AHRR: variants seen among roughly 807,000 people sequenced by gnomAD.
AHRR encodes ahR repressor.
A neutral mutation model predicts 44.0 loss-of-function variants in AHRR; 28 were observed. The ratio of observed to expected loss-of-function variants is 0.64; its 90% CI spans 0.47 to 0.87. The LOEUF is 0.87. AHRR is among the 40% of genes least tolerant of loss of function. The probability of loss-of-function intolerance (pLI) is 0.00; values close to 1 mark genes in which losing one functional copy is unlikely to be tolerated. For missense variants in AHRR, 990 were observed against 953.9 expected (o/e 1.04, Z -0.50); for synonymous variants, 434 against 407.0 (o/e 1.07, Z -0.80).
At chr5:423,779 CGT>C in intron 6 of AHRR, 60 bp from the exon 7 acceptor site, 1 of 1,534,666 alleles carries the variant, frequency 6.5e-7, no homozygotes. Context: ...CGTGGTTGTG[CGT>C]GTGACACGTG....
chr5:336,773 C>A (rs145293061), intron 1 of AHRR, among the ~76,000 whole-genome samples: 2 of 152,114 alleles, frequency 1.3e-5, no homozygotes, highest in African/African-American at 4.8e-5. Flanking sequence ...ATGTATTCTT[C>A]GGAGTGTTAT....
rs1734077953 is a variant in AHRR, at chr5:383,916, T to G, written c.351+7200T>G. Among the ~76,000 whole-genome samples the G allele has an allele frequency of 6.6e-6, 1 of 152,218 alleles. No individual in the cohort carries two copies. The highest frequency in any genetic ancestry group is 2.1e-4 in the South Asian group (1 of 4,834). On this transcript the variant is annotated intron_variant, in intron 4 of 10. Coordinates refer to ENST00000684583, the MANE Select transcript of AHRR (RefSeq NM_001377236.1). This position sits in a 1 kb window ranked among gnomAD's most constrained non-coding sequence, Gnocchi z 4.0. ...CTTGGAATATCTTACTCCATCTTTT[T>G]ACTTTTAATCAATTTATGTCATTAT...
intron 7 of AHRR, chr5:427,494 C>A (rs74885420): frequency 1.0e-6 from 1 of 990,226 alleles, no homozygotes; most frequent in Non-Finnish European, 1.5e-6. Context: ...AGGCGCAGTT[C>A]GTGCCACCTG....
rs994430520 is a variant in AHRR, at chr5:387,207, C to G, written c.351+10491C>G. On this transcript the variant is annotated intron_variant, in intron 4 of 10. Transcript: ENST00000684583. This position sits in a 1 kb window ranked among gnomAD's most constrained non-coding sequence, Gnocchi z 5.1. ...GGATGAGCCAGGACACGTGTCAGTTCGTACACAGAAGCGGGGTCCTGTCTC... is the reference window on the plus strand; with the variant it reads ...GGATGAGCCAGGACACGTGTCAGTTGGTACACAGAAGCGGGGTCCTGTCTC... Among the ~76,000 whole-genome samples the G allele has an allele frequency of 1.3e-5, 2 of 152,236 alleles. No homozygotes were observed. Among genetic ancestry groups the G allele is most frequent in the African/African-American group, 4.8e-5 (2 of 41,458 alleles).
intron 4 of AHRR, among the ~76,000 whole-genome samples, chr5:392,447 G>A (rs1174905947): frequency 1.3e-4 from 19 of 150,772 alleles, no homozygotes; most frequent in African/African-American, 3.9e-4. Context: ...CGAGGCAGGC[G>A]CAGGGCGAGG....
intron 3 of AHRR, among the ~76,000 whole-genome samples, chr5:361,748 T>C (rs530193300): frequency 1.2e-3 from 177 of 152,342 alleles, no homozygotes; most frequent in Non-Finnish European, 2.2e-3. Flanking sequence ...CTGTTCACTG[T>C]TGTATTTTAG....
chr5:366,645 A>G (rs148481343), intron 3 of AHRR, among the ~76,000 whole-genome samples: 2 of 152,182 alleles, frequency 1.3e-5, no homozygotes, highest in Non-Finnish European at 2.9e-5. Context: ...ATATCTATTA[A>G]TTATGAAGCC....
At chr5:426,041 T>C (rs557188002) in intron 7 of AHRR, among the ~76,000 whole-genome samples, 87 of 152,352 alleles carry the variant, frequency 5.7e-4, no homozygotes, top group Non-Finnish European at 1.0e-3. Flanking sequence ...TTGGGAATAT[T>C]TATACTAAAA....
intron 4 of AHRR, among the ~76,000 whole-genome samples, chr5:380,682 G>A (rs1733943646): frequency 6.6e-6 from 1 of 152,156 alleles, no homozygotes; most frequent in African/African-American, 2.4e-5. Flanking sequence ...CTATGACCTT[G>A]CTAAACTCAT....
chr5:425,054 A>G (rs1445789821), intron 7 of AHRR, among the ~76,000 whole-genome samples: 2 of 152,114 alleles, frequency 1.3e-5, no homozygotes, highest in African/African-American at 4.8e-5. Context: ...AGCACCCCAC[A>G]AGGCCCTCTG....
At chr5:433,137 G>A (rs1489363990) in intron 10 of AHRR, among the ~76,000 whole-genome samples, 190 bp downstream of exon 10, 5 of 152,226 alleles carry the variant, frequency 3.3e-5, no homozygotes, top group Non-Finnish European at 4.4e-5. Flanking sequence ...TGGAAGTCAC[G>A]TGTGTCGCTG....
At chr5:392,764 G>A (rs1318706606) in intron 4 of AHRR, among the ~76,000 whole-genome samples, 3 of 152,104 alleles carry the variant, frequency 2.0e-5, no homozygotes, top group African/African-American at 2.4e-5. Context: ...ATTTCACGTC[G>A]ACTCTTCTTG....
At chr5:346,647 C>T (rs1276729195) in intron 2 of AHRR, among the ~76,000 whole-genome samples, 2 of 152,332 alleles carry the variant, frequency 1.3e-5, no homozygotes, top group East Asian at 1.9e-4. Context: ...TACGTGCACC[C>T]GGCTTCATCC....
chr5:434,298 G>A lies in AHRR; in HGVS notation c.1558G>A (p.Gly520Arg). 1 of 1,609,512 alleles carries A rather than the reference G, an allele frequency of 6.2e-7. No individual in the cohort carries two copies. Among genetic ancestry groups the A allele is most frequent in the Non-Finnish European group, 8.5e-7 (1 of 1,177,744 alleles). ...GCTGCAAGGTGTACCGATGCCTCCGGGGGACCTGTGTGGTCCGACGCTGCT... is the reference window on the plus strand; with the variant it reads ...GCTGCAAGGTGTACCGATGCCTCCGAGGGACCTGTGTGGTCCGACGCTGCT... ...MKLQGVPMPP[G>R]DLCGPTLLLD... is the part of the protein sequence containing the mutation. Residue 520 changes from glycine to arginine, a missense_variant, in exon 11 of 11, where the codon GGG (glycine) becomes AGG (arginine). Gly to Arg is a moderately radical substitution (Grantham distance 125, BLOSUM62 -2). Coordinates refer to ENST00000684583, the MANE Select transcript of AHRR (RefSeq NM_001377236.1).
chr5:419,761 G>A lies in AHRR; in HGVS notation c.442-2968G>A, dbSNP rs1007894289. 2.6e-5 allele frequency among the ~76,000 whole-genome samples: 4 copies of A among 152,112 alleles called. No individual in the cohort carries two copies. The highest frequency in any genetic ancestry group is 2.1e-4 in the South Asian group (1 of 4,814). ...TGTTTGTTGCCAACCCCTGTTTACC[G>A]GAAGTGTCCCCACACCATTTTCCAT... On this transcript the variant is annotated intron_variant, in intron 5 of 10. Coordinates refer to ENST00000684583, the MANE Select transcript of AHRR (RefSeq NM_001377236.1). This position sits in a 1 kb window ranked among gnomAD's most constrained non-coding sequence, Gnocchi z 4.4.
intron 2 of AHRR, among the ~76,000 whole-genome samples, chr5:350,405 G>T (rs546906901): frequency 6.6e-6 from 1 of 152,180 alleles, no homozygotes; most frequent in Non-Finnish European, 1.5e-5. Context: ...GCTGATGGGC[G>T]TTGATGAATC....
intron 3 of AHRR, among the ~76,000 whole-genome samples, chr5:355,168 G>T (rs1475055691): frequency 2.0e-5 from 3 of 152,200 alleles, no homozygotes; most frequent in Non-Finnish European, 4.4e-5. Context: ...CTGCTGGGTG[G>T]TGTTGGACTC....
In AHRR at chr5:378,502, C is replaced by G. The variant is rs181340042; in HGVS notation, c.351+1786C>G. 2.3e-3 allele frequency among the ~76,000 whole-genome samples: 352 copies of G among 152,316 alleles called. 2 individuals are homozygous for G. The highest frequency in any genetic ancestry group is 3.6e-3 in the Non-Finnish European group (243 of 68,040). On this transcript the variant is annotated intron_variant, in intron 4 of 10. Transcript: ENST00000684583. ...TGACCCCTGAGAGTGTAGTCTGGAC[C>G]TGGTGTTTCTTTGTCCTGAGTTCAC...
In AHRR at chr5:434,115, G is replaced by A; in HGVS notation, c.1375G>A (p.Ala459Thr). ...TCACCCGCCGAGCCCGTCCCCCAGT[G>A]CCTACTCCAGCCGGACCAGCAGACC... ...ISHPPSPSPS[A>T]YSSRTSRPMR... The change falls in exon 11 of 11, where the codon GCC becomes ACC. Residue 459 changes from alanine to threonine, a missense_variant. Physicochemically the swap from Ala to Thr is moderately conservative, Grantham distance 58. Coordinates refer to ENST00000684583, the MANE Select transcript of AHRR (RefSeq NM_001377236.1). 2 of 1,612,940 alleles carry A rather than the reference G, an allele frequency of 1.2e-6. No individual in the cohort carries two copies. Among genetic ancestry groups the A allele is most frequent in the African/African-American group, 1.3e-5 (1 of 75,054 alleles).
Sources: allele counts gnomAD v4.1 joint callset (sites outside exome capture counted in the v4.1 genomes callset), GRCh38; gene constraint gnomAD v4.1.1; non-coding constraint Gnocchi (gnomAD v3.1); transcripts MANE v1.5; gene names NCBI Gene and HGNC (gene_info 2026-07-23, HGNC 2026-07-21).